Variants in ZNF407 observed in about 807,000 individuals in gnomAD.
ZNF407 encodes zinc finger protein 407.
Under a neutral mutation model 131.2 loss-of-function variants are expected in ZNF407, and 17 were observed. The observed-to-expected ratio is 0.13, with a 90% CI of 0.09 to 0.19. The LOEUF is 0.19. ZNF407 is among the 10% of genes least tolerant of loss of function. ZNF407 has a pLI of 1.00. For missense variants in ZNF407, 2,681 were observed against 2,830.6 expected, an observed-to-expected ratio of 0.95 and a Z score of 1.20; for synonymous variants, 1,156 against 1,062.0, an observed-to-expected ratio of 1.09 and a Z score of -1.72.
chr18:74,697,933 G>A (rs978966434), intron 3 of ZNF407, among the ~76,000 whole-genome samples: 1 of 152,166 alleles, frequency 6.6e-6, no homozygotes, highest in South Asian at 2.1e-4. Flanking sequence ...AATGGTTATA[G>A]AATTTATCAT....
intron 6 of ZNF407, among the ~76,000 whole-genome samples, chr18:74,881,358 A>G (rs1261662489): frequency 3.9e-5 from 6 of 152,214 alleles, no homozygotes; most frequent in African/African-American, 1.4e-4. Flanking sequence ...AATTCATGTT[A>G]AGTAGAAGTA....
intron 1 of ZNF407, among the ~76,000 whole-genome samples, chr18:74,617,086 TCCATGCACCAACACATCCATATCCACACA>T (rs1983338906): frequency 3.2e-5 from 2 of 62,520 alleles, no homozygotes; most frequent in African/African-American, 1.6e-4. Context: ...CACATCCATA[TCCATGCACCAACACATCCATATCCACACA>T]CCACACACAT....
chr18:74,599,891 T>G (rs575445742), intron 1 of ZNF407, among the ~76,000 whole-genome samples: 1 of 152,248 alleles, frequency 6.6e-6, no homozygotes, highest in Non-Finnish European at 1.5e-5. Flanking sequence ...TAGTTGTGAC[T>G]CTTTCGACTG....
At chr18:74,871,714 A>C (rs1295307725) in intron 4 of ZNF407, among the ~76,000 whole-genome samples, 3 of 152,210 alleles carry the variant, frequency 2.0e-5, no homozygotes, top group Non-Finnish European at 4.4e-5. Context: ...CTCATATACT[A>C]ATTTGAAAAG....
At chr18:74,755,448 T>C (rs1968908060) in intron 3 of ZNF407, among the ~76,000 whole-genome samples, 1 of 152,198 alleles carries the variant, frequency 6.6e-6, no homozygotes, top group African/African-American at 2.4e-5. Context: ...ATCGATTGTC[T>C]TGGCATTCTT....
intron 7 of ZNF407, among the ~76,000 whole-genome samples, chr18:74,894,214 A>G (rs1971423761): frequency 6.6e-6 from 1 of 152,122 alleles, no homozygotes; most frequent in South Asian, 2.1e-4. Flanking sequence ...CTAATCCATT[A>G]CAAATCAGTA....
chr18:74,983,304 C>A (rs1972614814), intron 8 of ZNF407, among the ~76,000 whole-genome samples: 1 of 152,052 alleles, frequency 6.6e-6, no homozygotes, highest in Non-Finnish European at 1.5e-5. Context: ...GGGGTATGGC[C>A]CCATTAAGGT....
chr18:74,598,327 GCCT>G (rs1982401362), intron 1 of ZNF407: 1 of 152,306 alleles, frequency 6.6e-6, no homozygotes, highest in African/African-American at 2.4e-5. Flanking sequence ...ACCTAGCGTG[GCCT>G]CGGTTTCCCC....
At chr18:74,695,587 C>T (rs1448505718) in intron 3 of ZNF407, among the ~76,000 whole-genome samples, 1 of 150,596 alleles carries the variant, frequency 6.6e-6, no homozygotes, top group Non-Finnish European at 1.5e-5. Flanking sequence ...ATATGATATC[C>T]CAATTGGCTT....
chr18:74,616,920 CGCACCAT>C (rs1983320785), intron 1 of ZNF407, among the ~76,000 whole-genome samples: 2,057 of 20,050 alleles, frequency 0.1, 90 homozygotes, highest in Non-Finnish European at 0.13. Flanking sequence ...TCCATATCCA[CGCACCAT>C]ACACATCCAT....
chr18:74,720,986 G>A (rs1968020942), intron 3 of ZNF407, among the ~76,000 whole-genome samples: 1 of 147,950 alleles, frequency 6.8e-6, no homozygotes, highest in African/African-American at 2.5e-5. Context: ...GGTCTTTTGT[G>A]GTTTCATTAA....
rs76004518 is a variant in ZNF407, at chr18:74,746,982, A to G, written c.4803-34446A>G. 6.8e-4 allele frequency among the ~76,000 whole-genome samples: 104 copies of G among 152,310 alleles called. 2 individuals carry two copies. In the East Asian group the frequency reaches 0.019, roughly 28 times the overall value. ...ATAGCAGCATCACCACAAACGAATA[A>G]TGCACTGCACTGAGATGTTTGGATG... On this transcript the variant is annotated intron_variant, in intron 3 of 8. Coordinates refer to ENST00000299687, the MANE Select transcript of ZNF407 (RefSeq NM_017757.3).
chr18:75,040,613 A>T (rs1973361676), intron 8 of ZNF407, among the ~76,000 whole-genome samples: 1 of 152,212 alleles, frequency 6.6e-6, no homozygotes, highest in Non-Finnish European at 1.5e-5. Context: ...GAGCTCATTA[A>T]TAACTTGTAG....
chr18:74,702,128 G>A (rs1967511843), intron 3 of ZNF407, among the ~76,000 whole-genome samples: 1 of 152,052 alleles, frequency 6.6e-6, no homozygotes. Context: ...CATTTTGGAG[G>A]GGCTGCTGAT....
chr18:75,064,010 T>C lies in ZNF407; in HGVS notation c.6289T>C (p.Leu2097=). The change falls in exon 9 of 9, where the codon TTG becomes CTG. Residue 2097 remains leucine (L), a synonymous_variant. Coordinates refer to ENST00000299687, the MANE Select transcript of ZNF407 (RefSeq NM_017757.3). ...GTGTGACACGGCCGCGGCCGGCCAG[T>C]TGGTCAAGGACGGTGTCACCCAGGT... is the stretch of plus-strand genomic sequence containing the variant. ...AVCDTAAAGQ[L]VKDGVTQVVV... is the part of the protein sequence containing the mutation. The C allele has an allele frequency of 6.2e-7, 1 of 1,609,062 alleles. No individual in the cohort carries two copies. Among genetic ancestry groups the C allele is most frequent in the Non-Finnish European group, 8.5e-7 (1 of 1,178,124 alleles).
chr18:74,897,773 A>G (rs1971472471), intron 7 of ZNF407, among the ~76,000 whole-genome samples: 1 of 152,212 alleles, frequency 6.6e-6, no homozygotes, highest in Non-Finnish European at 1.5e-5. Context: ...TTATTAGGAA[A>G]ACTCTCTAAT....
Position 75,065,352 on chromosome 18 carries a change from G to A in ZNF407, c.*884G>A, listed in dbSNP as rs1337564648. On this transcript the variant is annotated 3_prime_UTR_variant, in exon 9 of 9. Transcript: ENST00000299687. The stretch of plus-strand genomic sequence containing the variant: ...GATGCCATTTTTGCAGGATTTCTTC[G>A]TGATTTCTGTCCATATGAAAATGCT... 2 of 152,116 alleles carry A rather than the reference G, an allele frequency of 1.3e-5. No homozygotes were observed. Among genetic ancestry groups the A allele is most frequent in the East Asian group, 1.9e-4 (1 of 5,188 alleles). 9.4% of individuals were successfully genotyped at this position (152,116 alleles called of 1,614,324 possible).
At chr18:74,607,137 C>G (rs1446131227) in intron 1 of ZNF407, among the ~76,000 whole-genome samples, 5 of 152,220 alleles carry the variant, frequency 3.3e-5, no homozygotes, top group South Asian at 2.1e-4. Flanking sequence ...CATGGCTGGT[C>G]TTTTTGCTCC....
chr18:74,812,756 A>G (rs17832899), intron 4 of ZNF407, among the ~76,000 whole-genome samples: 25,853 of 151,682 alleles, frequency 0.17, 2,879 homozygotes, highest in Non-Finnish European at 0.25. Context: ...CTCTCATGCT[A>G]TGATCTGTTC....
Sources: allele counts gnomAD v4.1 joint callset (sites outside exome capture counted in the v4.1 genomes callset), GRCh38; gene constraint gnomAD v4.1.1; transcripts MANE v1.5; gene names NCBI Gene and HGNC (gene_info 2026-07-23, HGNC 2026-07-21).